The following LSP1 variants were observed in gnomAD, a reference collection of about 807,000 sequenced individuals.
The protein encoded by LSP1 is lymphocyte specific protein 1, also known as lymphocyte-specific protein 1.
In LSP1, 32 loss-of-function variants were observed where a neutral mutation model predicts 49.3. The ratio of observed to expected loss-of-function variants is 0.65; its 90% CI spans 0.49 to 0.87. The LOEUF is 0.87. LSP1 is among the 40% of genes least tolerant of loss of function. The probability of loss-of-function intolerance (pLI) is 0.00; values close to 1 mark genes in which losing one functional copy is unlikely to be tolerated. For synonymous variants in LSP1, 179 were observed against 178.8 expected (o/e 1.00, Z -0.01); for missense variants, 428 against 442.6 (o/e 0.97, Z 0.30).
At chr11:1,859,051 G>A (rs1248616241) in intron 1 of LSP1, among the ~76,000 whole-genome samples, 2 of 152,196 alleles carry the variant, frequency 1.3e-5, no homozygotes, top group African/African-American at 2.4e-5. Flanking sequence ...TCCCCCGGCA[G>A]GAGGAGGCAG....
chr11:1,884,509 G>A lies in LSP1; in HGVS notation c.645G>A (p.Val215=). 1 of 1,613,872 alleles carries A rather than the reference G, an allele frequency of 6.2e-7. No individual in the cohort carries two copies. The highest frequency in any genetic ancestry group is 8.5e-7 in the Non-Finnish European group (1 of 1,179,884). ...ATCTTCTACCCTCCAGTAACAGTGT[G>A]AAGAAATCCCAGCCAGACTTGCCCA... ...LNRSIEKSNS[V]KKSQPDLPIS... Residue 215 remains valine (V), a synonymous_variant, in exon 7 of 11, where the codon GTG becomes GTA. Coordinates refer to ENST00000311604, the MANE Select transcript of LSP1 (RefSeq NM_002339.3). This position sits in a 1 kb window ranked among gnomAD's most constrained non-coding sequence, Gnocchi z 4.1.
rs866926158 is a variant in LSP1 at position 1,880,181 on chromosome 11, G to A, written c.148G>A (p.Glu50Lys). The A allele has an allele frequency of 6.2e-7, 1 of 1,604,112 alleles. No individual in the cohort carries two copies. Among genetic ancestry groups the A allele is most frequent in the African/African-American group, 1.3e-5 (1 of 74,326 alleles). Residue 50 changes from glutamate (E) to lysine (K), a missense_variant, in exon 2 of 11, where the codon GAG (glutamate) becomes AAG (lysine). Transcript: ENST00000311604. ...CAGGCAGCTTCAGGCCCAGGACGAGGAGGGAGGCGGCCATGTCCCCGAGCG... is the reference window on the plus strand; with the variant it reads ...CAGGCAGCTTCAGGCCCAGGACGAGAAGGGAGGCGGCCATGTCCCCGAGCG... ...RDRQLQAQDE[E>K]GGGHVPERPK... is the part of the protein sequence containing the mutation.
At chr11:1,872,583 G>C (rs1848086804) in intron 1 of LSP1, among the ~76,000 whole-genome samples, 1 of 140,946 alleles carries the variant, frequency 7.1e-6, no homozygotes, top group South Asian at 2.2e-4. Flanking sequence ...TTTTGGGAGG[G>C]GGTGTGTGTG....
intron 1 of LSP1, among the ~76,000 whole-genome samples, chr11:1,874,113 G>C (rs1172129959): frequency 5.1e-4 from 21 of 41,224 alleles, no homozygotes; most frequent in East Asian, 9.3e-4. Flanking sequence ...GCAGAGGAGG[G>C]AGGCTGGGGA....
rs533966826 is a variant in LSP1, at chr11:1,887,416, G to T, written c.931-58G>T. 75 of 1,580,518 alleles carry T rather than the reference G, an allele frequency of 4.7e-5. 1 individual carries two copies. In the South Asian group the frequency reaches 7.7e-4, roughly 16 times the overall value. ...CTGGGAGGGCTTCCCAGAGGCGGAG[G>T]CAGCATCATCTCCTTTCTGCTGCTC... On this transcript the variant is annotated intron_variant, in intron 9 of 10. Transcript: ENST00000311604.
chr11:1,870,958 G>C (rs1847972867), intron 1 of LSP1: 3 of 985,920 alleles, frequency 3.0e-6, no homozygotes, highest in South Asian at 9.4e-5. Flanking sequence ...GGCGCAGCCG[G>C]GCTGTCGGTG....
chr11:1,888,813 A>G, intron 10 of LSP1: 1 of 255,350 alleles, frequency 3.9e-6, no homozygotes. Flanking sequence ...AGCCTGGGCT[A>G]GGTCAGTAGA....
rs1327760008 is a variant in LSP1 at position 1,883,313 on chromosome 11, A to G, written c.357-106A>G. On this transcript the variant is annotated intron_variant, in intron 3 of 10. Transcript: ENST00000311604. ...GATCCCTTGGCACTCAAGTAGCCTG[A>G]CTACCTTCATTTTACAGATGGGGAA... The G allele has an allele frequency of 2.8e-6, 4 of 1,416,402 alleles. No homozygotes were observed. The South Asian group carries it at 3.9e-5, about 14-fold the overall frequency. 87.7% of individuals were successfully genotyped at this position (1,416,402 alleles called of 1,614,324 possible). A position where few individuals can be genotyped will look rare whatever the true frequency, so the allele number is the denominator to read the frequency against.
intron 1 of LSP1, among the ~76,000 whole-genome samples, chr11:1,855,098 C>T (rs1457809863): frequency 6.6e-6 from 1 of 152,170 alleles, no homozygotes; most frequent in Non-Finnish European, 1.5e-5. Flanking sequence ...GGACCCCCTC[C>T]TTGGACATCC....
In LSP1 at chr11:1,884,255, CTGTG is replaced by C. The variant is rs779167097; in HGVS notation, c.592-23_592-20del. The C allele has an allele frequency of 8.1e-6, 13 of 1,613,692 alleles. No homozygotes were observed. The highest frequency in any genetic ancestry group is 1.7e-5 in the Admixed American group (1 of 59,986). ...GGGCTTTACCTCGGCTGCTGCAGGC[CTGTG>C]TCTCTCTCCACCCTCTGCAGCTCAT... On this transcript the variant is annotated intron_variant, in intron 5 of 10. Transcript: ENST00000311604. This position sits in a 1 kb window ranked among gnomAD's most constrained non-coding sequence, Gnocchi z 4.1.
At chr11:1,855,360 C>T (rs1284111168) in intron 1 of LSP1, among the ~76,000 whole-genome samples, 1 of 152,150 alleles carries the variant, frequency 6.6e-6, no homozygotes, top group African/African-American at 2.4e-5. Flanking sequence ...ACAAGACAGC[C>T]CCCCGTGCAT....
chr11:1,880,535 T>G, intron 2 of LSP1: 2 of 277,566 alleles, frequency 7.2e-6, no homozygotes, highest in Non-Finnish European at 1.3e-5. Flanking sequence ...CCCACCAGAC[T>G]CCCCCGCCAG....
At position 1,883,532 on chromosome 11, in the gene LSP1, C is replaced by A. The variant is rs1377557151; in HGVS notation, c.470C>A (p.Ala157Asp). The A allele has an allele frequency of 6.2e-7, 1 of 1,613,194 alleles. No individual in the cohort carries two copies. Among genetic ancestry groups the A allele is most frequent in the Non-Finnish European group, 8.5e-7 (1 of 1,179,802 alleles). ...GACACTGTCCAGGACAACCTGGGGG[C>A]CGCAGGGGCTGAGGAGGAACAGGAG... ...PEDTVQDNLG[A>D]AGAEEEQEEH... Residue 157 changes from alanine to aspartate, a missense_variant, in exon 4 of 11, where the codon GCC (alanine) becomes GAC (aspartate). Coordinates refer to ENST00000311604, the MANE Select transcript of LSP1 (RefSeq NM_002339.3).
chr11:1,889,995 G>A (rs1848924661), intron 10 of LSP1: 1 of 656,030 alleles, frequency 1.5e-6, no homozygotes. Flanking sequence ...GGCTGTCCTG[G>A]GAGGCTCAGG....
chr11:1,883,291 C>A, intron 3 of LSP1, 128 bp from the exon 4 acceptor site: 4 of 1,177,844 alleles, frequency 3.4e-6, no homozygotes, highest in Non-Finnish European at 4.9e-6. Context: ...GGTCTCAGAT[C>A]CCTTGGCACT....
chr11:1,871,695 G>T (rs1279313559), intron 1 of LSP1, among the ~76,000 whole-genome samples: 1 of 152,228 alleles, frequency 6.6e-6, no homozygotes, highest in Admixed American at 6.5e-5. Context: ...TGTCTGGGTA[G>T]ACTTGGGGGT....
chr11:1,871,136 G>T, intron 1 of LSP1: 1 of 985,542 alleles, frequency 1.0e-6, no homozygotes, highest in African/African-American at 1.7e-5. Flanking sequence ...CGTGGCACGG[G>T]CTCGGCAGCG....
At chr11:1,890,481 T>C (rs1229372755) in intron 10 of LSP1, 2 of 717,196 alleles carry the variant, frequency 2.8e-6, no homozygotes, top group South Asian at 1.5e-5. Flanking sequence ...CAAACGCAAG[T>C]TGTCCTTCCC....
chr11:1,884,093 C>G lies in LSP1; in HGVS notation c.591+69C>G. 6.6e-7 allele frequency: 1 copy of G among 1,511,182 alleles called. No individual in the cohort carries two copies. The highest frequency in any genetic ancestry group is 9.1e-7 in the Non-Finnish European group (1 of 1,100,590). The allele number at this position is 1,511,182 out of a possible 1,614,324, so 93.6% of individuals were successfully genotyped here. On this transcript the variant is annotated intron_variant, in intron 5 of 10. Coordinates refer to ENST00000311604, the MANE Select transcript of LSP1 (RefSeq NM_002339.3). This position sits in a 1 kb window ranked among gnomAD's most constrained non-coding sequence, Gnocchi z 4.1. ...ACTCATACCCAAAAGGCCAATCCCA[C>G]ATGCCAGCCACAGGAAGACCAGGCC...
Sources: allele counts gnomAD v4.1 joint callset (sites outside exome capture counted in the v4.1 genomes callset), GRCh38; gene constraint gnomAD v4.1.1; non-coding constraint Gnocchi (gnomAD v3.1); transcripts MANE v1.5; gene names NCBI Gene and HGNC (gene_info 2026-07-23, HGNC 2026-07-21).